The following ERCC6L2 variants were observed in gnomAD, a reference collection of about 807,000 sequenced individuals.
ERCC6L2 encodes DNA excision repair protein ERCC-6-like 2.
In ERCC6L2, 77 loss-of-function variants were observed where a neutral mutation model predicts 132.0. That is an observed-to-expected ratio of 0.58 (90% CI 0.49 to 0.71). ERCC6L2 has a LOEUF of 0.71. Among genes scored for constraint, ERCC6L2 ranks in the 30% least tolerant of loss-of-function variants. The probability of loss-of-function intolerance (pLI) is 0.00; values close to 1 mark genes in which losing one functional copy is unlikely to be tolerated. For synonymous variants in ERCC6L2, 583 were observed against 632.4 expected (o/e 0.92, Z 1.17); for missense variants, 1,542 against 1,837.6 (o/e 0.84, Z 2.94).
chr9:95,898,082 A>C, intron 3 of ERCC6L2, 111 bp downstream of exon 3: 1 of 941,994 alleles, frequency 1.1e-6, no homozygotes. Context: ...TTTAAAACCT[A>C]AGAATTTAAA....
intron 3 of ERCC6L2, chr9:95,906,705 G>C (rs1829054458): frequency 4.3e-6 from 2 of 460,044 alleles, no homozygotes; most frequent in Non-Finnish European, 8.7e-6. Context: ...CACGTGGCCT[G>C]CTTGTGTATG....
chr9:96,028,626 C>T (rs916556380), intron 19 of ERCC6L2, among the ~76,000 whole-genome samples: 3 of 152,188 alleles, frequency 2.0e-5, no homozygotes, highest in Non-Finnish European at 4.4e-5. Context: ...TAAAGCCTGG[C>T]TGTTCCCCTT....
At chr9:95,988,220 G>A (rs1588027206) in intron 17 of ERCC6L2, among the ~76,000 whole-genome samples, 1 of 152,306 alleles carries the variant, frequency 6.6e-6, no homozygotes, top group Non-Finnish European at 1.5e-5. Flanking sequence ...TTGTTGGTAT[G>A]AGCATAACTC....
chr9:96,013,190 A>G lies in ERCC6L2; in HGVS notation c.4640A>G (p.Gln1547Arg). Residue 1547 changes from glutamine (Q) to arginine (R), a missense_variant, in exon 19 of 19, where the codon CAG (glutamine) becomes CGG (arginine). Gln to Arg is a conservative substitution (Grantham distance 43). Around this residue, in one of 4 missense-constraint regions of ERCC6L2, gnomAD observed 442 missense variants for 583.4 expected, o/e 0.76. Transcript: ENST00000653738. Reference protein sequence around the residue: ...SDTDENATNTQSTT With the variant: ...SDTDENATNTRSTT ...ACAGATGAAAACGCAACCAATACACAGAGTACCACATAAGCATATAAATGA... is the reference window on the plus strand; with the variant it reads ...ACAGATGAAAACGCAACCAATACACGGAGTACCACATAAGCATATAAATGA... 1 of 1,361,734 alleles carries G rather than the reference A, an allele frequency of 7.3e-7. No homozygotes were observed. The highest frequency in any genetic ancestry group is 9.8e-7 in the Non-Finnish European group (1 of 1,019,950). 84.4% of individuals were successfully genotyped at this position (1,361,734 alleles called of 1,614,324 possible).
At position 96,012,994 on chromosome 9, in the gene ERCC6L2, T is replaced by C. The variant is rs1834086012; in HGVS notation, c.4444T>C (p.Leu1482=). 7.3e-7 allele frequency: 1 copy of C among 1,367,468 alleles called. No individual in the cohort carries two copies. The allele number at this position is 1,367,468 out of a possible 1,614,324, so 84.7% of individuals were successfully genotyped here. A position where few individuals can be genotyped will look rare whatever the true frequency, so the allele number is the denominator to read the frequency against. ...KQRPKDFWDI[L]NEQNDESLSK... ...GAGACCAAAAGATTTCTGGGACATC[T>C]TGAATGAGCAGAATGATGAGAGTCT... The change falls in exon 19 of 19, where the codon TTG becomes CTG. Residue 1482 remains leucine, a synonymous_variant. Transcript: ENST00000653738.
In ERCC6L2 at chr9:95,876,023, C is replaced by T. The variant is rs926399972; in HGVS notation, c.-16C>T. 12 of 1,584,468 alleles carry T rather than the reference C, an allele frequency of 7.6e-6. No individual in the cohort carries two copies. In the African/African-American group the frequency reaches 1.5e-4, roughly 20 times the overall value. On this transcript the variant is annotated 5_prime_UTR_variant, in exon 1 of 19. Transcript: ENST00000653738. Reference sequence around the variant, plus strand: ...GGTGTTACATGCAGCCGGGCTCGGCCCCTCCCCCTGGCCGGATGGATCCGT... The same window carrying T: ...GGTGTTACATGCAGCCGGGCTCGGCTCCTCCCCCTGGCCGGATGGATCCGT...
rs1458752572 is a variant in ERCC6L2, at chr9:96,015,531, C to T, written c.*2328C>T. The stretch of plus-strand genomic sequence containing the variant: ...AACTTTTAGGCCGGGCACAGTGGCT[C>T]ACGCCTGTAATCCCAGCACTTTGGG... On this transcript the variant is annotated 3_prime_UTR_variant, in exon 19 of 19. Coordinates refer to ENST00000653738, the MANE Select transcript of ERCC6L2 (RefSeq NM_020207.7). Among the ~76,000 whole-genome samples the T allele has an allele frequency of 2.6e-5, 4 of 151,482 alleles. No homozygotes were observed. Among genetic ancestry groups the T allele is most frequent in the Non-Finnish European group, 4.4e-5 (3 of 67,872 alleles).
intron 17 of ERCC6L2, among the ~76,000 whole-genome samples, chr9:96,000,123 G>A (rs754356568): frequency 7.9e-5 from 12 of 152,140 alleles, no homozygotes; most frequent in Admixed American, 1.3e-4. Flanking sequence ...TCCTGACCTC[G>A]TGATCCGCCC....
In ERCC6L2 at chr9:96,017,296, G is replaced by C. The variant is rs565396471; in HGVS notation, c.*4093G>C. On this transcript the variant is annotated 3_prime_UTR_variant, in exon 19 of 19. Coordinates refer to ENST00000653738, the MANE Select transcript of ERCC6L2 (RefSeq NM_020207.7). ...AGGGAAGAACATCTCACTTTTGCTT[G>C]GCTAAAGGGCCACCCCAGGAGAGCT... 8.5e-4 allele frequency among the ~76,000 whole-genome samples: 129 copies of C among 152,190 alleles called. No individual in the cohort carries two copies. Among genetic ancestry groups the C allele is most frequent in the African/African-American group, 3.0e-3 (126 of 41,534 alleles).
intron 11 of ERCC6L2, among the ~76,000 whole-genome samples, chr9:95,940,088 G>A (rs79026919): frequency 0.018 from 2,726 of 152,206 alleles, 87 homozygotes; most frequent in African/African-American, 0.061. Context: ...GGAAGAAAAC[G>A]AAAGCTCTAG....
chr9:96,012,659 G>A lies in ERCC6L2; in HGVS notation c.4109G>A (p.Gly1370Glu), dbSNP rs767284690. Residue 1370 changes from glycine (G) to glutamate (E), a missense_variant, in exon 19 of 19, where the codon GGG becomes GAG. Physicochemically the swap from Gly to Glu is moderately conservative, Grantham distance 98. Transcript: ENST00000653738. ...AGTTCTACTCAAGAGATTGACAGTG[G>A]GAAAAACAGCCAGGCATCCGAAGAT... ...PVSSTQEIDS[G>E]KNSQASEDTV... 4.4e-6 allele frequency: 6 copies of A among 1,367,458 alleles called. No homozygotes were observed. In the East Asian group the frequency reaches 2.7e-4, roughly 62 times the overall value. 84.7% of individuals were successfully genotyped at this position (1,367,458 alleles called of 1,614,324 possible).
At chr9:95,936,199 A>T (rs527785636) in intron 11 of ERCC6L2, among the ~76,000 whole-genome samples, 6 of 152,256 alleles carry the variant, frequency 3.9e-5, no homozygotes, top group Admixed American at 1.3e-4. Flanking sequence ...GAGAAGAAGA[A>T]GTCTATAGTG....
intron 10 of ERCC6L2, chr9:95,928,391 A>G (rs953233743): frequency 8.3e-5 from 35 of 424,064 alleles, no homozygotes; most frequent in Admixed American, 4.1e-4. Flanking sequence ...AATAATTACA[A>G]TGTTCTTTAA....
At chr9:95,927,301 TTAAA>T (rs1365772772) in intron 9 of ERCC6L2, among the ~76,000 whole-genome samples, 3 of 152,292 alleles carry the variant, frequency 2.0e-5, no homozygotes, top group East Asian at 3.9e-4. Flanking sequence ...ATGTTTATCA[TTAAA>T]TAAATTGTTT....
chr9:95,941,859 T>C (rs1830819685), intron 12 of ERCC6L2, among the ~76,000 whole-genome samples: 1 of 152,108 alleles, frequency 6.6e-6, no homozygotes. Flanking sequence ...TCCTGGAAGA[T>C]AGAAAGCAAG....
intron 19 of ERCC6L2, among the ~76,000 whole-genome samples, chr9:96,032,820 G>A (rs1254388719): frequency 6.6e-6 from 1 of 152,210 alleles, no homozygotes; most frequent in Non-Finnish European, 1.5e-5. Context: ...TCCCTTGTTT[G>A]TAGGTCAAAT....
rs1183661612 is a variant in ERCC6L2, at chr9:96,018,346, A to T, written c.*5143A>T. Among the ~76,000 whole-genome samples the T allele has an allele frequency of 6.6e-6, 1 of 152,146 alleles. No individual in the cohort carries two copies. Among genetic ancestry groups the T allele is most frequent in the Non-Finnish European group, 1.5e-5 (1 of 68,028 alleles). On this transcript the variant is annotated 3_prime_UTR_variant, in exon 19 of 19. Transcript: ENST00000653738. ...TGATGTATGTGAGATTGCTGACTAT[A>T]TTTTACTTATCAATTTGAAATTATA...
At chr9:95,945,854 A>G (rs1004027718) in intron 12 of ERCC6L2, among the ~76,000 whole-genome samples, 2 of 152,230 alleles carry the variant, frequency 1.3e-5, no homozygotes, top group African/African-American at 4.8e-5. Flanking sequence ...GAAGTGTCAG[A>G]ACTAAATCCA....
At chr9:95,904,411 A>G (rs2132644101) in intron 3 of ERCC6L2, among the ~76,000 whole-genome samples, 1 of 152,162 alleles carries the variant, frequency 6.6e-6, no homozygotes, top group South Asian at 2.1e-4. Flanking sequence ...ACTGAAGTTA[A>G]GGTAAATAAA....
Sources: gnomAD v4.1 joint callset for allele counts (sites outside exome capture counted in the v4.1 genomes callset) on GRCh38, gnomAD v4.1.1 for gene constraint, gnomAD v4.1.1 regional missense constraint, MANE v1.5 for transcripts, NCBI Gene and HGNC (gene_info 2026-07-23, HGNC 2026-07-21) for gene names.